CDH6: variants seen among roughly 807,000 people sequenced by gnomAD.
CDH6 encodes the protein cadherin-6.
Under a neutral mutation model 78.0 loss-of-function variants are expected in CDH6, and 31 were observed. That is an observed-to-expected ratio of 0.40 (90% CI 0.30 to 0.54). The LOEUF is 0.54. Ranked by LOEUF, CDH6 falls within the 20% of genes least tolerant of loss-of-function variation. CDH6 has a pLI of 0.56. For missense variants in CDH6, 724 were observed against 975.9 expected (o/e 0.74, Z 3.44); for synonymous variants, 376 against 368.8 (o/e 1.02, Z -0.23).
chr5:31,278,416 A>G (rs1742761269), intron 2 of CDH6, among the ~76,000 whole-genome samples: 1 of 152,222 alleles, frequency 6.6e-6, no homozygotes, highest in Non-Finnish European at 1.5e-5. Context: ...AAGAAAAGAT[A>G]TAACAAATAA....
intron 1 of CDH6, among the ~76,000 whole-genome samples, chr5:31,199,284 A>T (rs1740254766): frequency 6.6e-6 from 1 of 151,498 alleles, no homozygotes. Flanking sequence ...ATCTATACAC[A>T]CACATATATA....
Position 31,325,891 on chromosome 5 carries a change from G to A in CDH6, c.*2583G>A, listed in dbSNP as rs545433108. 20 of 231,888 alleles carry A rather than the reference G, an allele frequency of 8.6e-5. No individual in the cohort carries two copies. Among genetic ancestry groups the A allele is most frequent in the African/African-American group, 2.6e-4 (12 of 45,372 alleles). 14.4% of individuals were successfully genotyped at this position (231,888 alleles called of 1,614,324 possible). On this transcript the variant is annotated 3_prime_UTR_variant, in exon 12 of 12. Coordinates refer to ENST00000265071, the MANE Select transcript of CDH6 (RefSeq NM_004932.4). ...ACTGTAAGTATCAAGTTGGAGTGAC[G>A]TTTTCCTATAATTCAGACTCTTTGA...
intron 1 of CDH6, among the ~76,000 whole-genome samples, chr5:31,216,655 C>T (rs1239423771): frequency 7.0e-6 from 1 of 142,486 alleles, no homozygotes; most frequent in Non-Finnish European, 1.5e-5. Flanking sequence ...TCCACTGACT[C>T]CTGCTGTAAT....
chr5:31,217,972 T>C (rs60991609), intron 1 of CDH6, among the ~76,000 whole-genome samples: 2,394 of 152,282 alleles, frequency 0.016, 67 homozygotes, highest in African/African-American at 0.055. Context: ...TAAAATTCGA[T>C]ATTTAGTAGT....
At position 31,317,703 on chromosome 5, in the gene CDH6, A is replaced by G. The variant is rs1738363999; in HGVS notation, c.1661A>G (p.Asn554Ser). Residue 554 changes from asparagine (N) to serine (S), a missense_variant, in exon 11 of 12, where the codon AAT becomes AGT. Asn to Ser is a conservative substitution (Grantham distance 46). Around this residue, in one of 3 missense-constraint regions of CDH6, gnomAD observed 446 missense variants for 684.5 expected, o/e 0.65. Coordinates refer to ENST00000265071, the MANE Select transcript of CDH6 (RefSeq NM_004932.4). ...DNTAGILTRKNGYNRHEMSTY... is the reference protein window; with the variant it reads ...DNTAGILTRKSGYNRHEMSTY... ...ACGGCGGGAATCTTAACTCGGAAAA[A>G]TGGCTATAATAGACACGAGATGAGC... is the stretch of plus-strand genomic sequence containing the variant. 1 of 1,610,926 alleles carries G rather than the reference A, an allele frequency of 6.2e-7. No homozygotes were observed. Among genetic ancestry groups the G allele is most frequent in the African/African-American group, 1.3e-5 (1 of 74,968 alleles).
At position 31,323,206 on chromosome 5, in the gene CDH6, C is replaced by A. The variant is rs1363178594; in HGVS notation, c.2271C>A (p.Thr757=). 19 of 1,614,146 alleles carry A rather than the reference C, an allele frequency of 1.2e-5. No homozygotes were observed. The highest frequency in any genetic ancestry group is 3.3e-4 in the Middle Eastern group (2 of 6,062). The change falls in exon 12 of 12, where the codon ACC becomes ACA. Residue 757 remains threonine (T), a synonymous_variant. Transcript: ENST00000265071. ...CCCTGAGCTCGCTGGAGTCAGTGAC[C>A]ACGGATGCAGATCAAGACTATGATT... is the stretch of plus-strand genomic sequence containing the variant. ...ADSLSSLESV[T]TDADQDYDYL...
intron 1 of CDH6, among the ~76,000 whole-genome samples, chr5:31,234,853 C>A (rs1741408740): frequency 6.6e-6 from 1 of 152,106 alleles, no homozygotes; most frequent in Admixed American, 6.5e-5. Context: ...TAGGTTTGCA[C>A]ATATACATAC....
At chr5:31,223,668 C>T (rs1488215991) in intron 1 of CDH6, among the ~76,000 whole-genome samples, 1 of 152,036 alleles carries the variant, frequency 6.6e-6, no homozygotes, top group Admixed American at 6.5e-5. Flanking sequence ...GTATGTTGCA[C>T]TGGATTCCTT....
chr5:31,212,751 C>T (rs1740745713), intron 1 of CDH6, among the ~76,000 whole-genome samples: 1 of 150,826 alleles, frequency 6.6e-6, no homozygotes, highest in East Asian at 2.1e-4. Context: ...TCATGGTGTT[C>T]ACATGAACGT....
In CDH6 at chr5:31,328,757, C is replaced by T; in HGVS notation, c.*5449C>T. ...GAAGATTTACTGGCGGGAATGCTCA[C>T]TCTTGTCGTTTTCCTCAGTATCGTT... is the stretch of plus-strand genomic sequence containing the variant. On this transcript the variant is annotated 3_prime_UTR_variant, in exon 12 of 12. Coordinates refer to ENST00000265071, the MANE Select transcript of CDH6 (RefSeq NM_004932.4). 4.6e-6 allele frequency: 1 copy of T among 217,134 alleles called. No homozygotes were observed. The highest frequency in any genetic ancestry group is 9.3e-6 in the Non-Finnish European group (1 of 107,850). The allele number at this position is 217,134 out of a possible 1,614,324, so 13.5% of individuals were successfully genotyped here.
chr5:31,247,588 C>T (rs1364915512), intron 1 of CDH6, among the ~76,000 whole-genome samples: 1 of 152,168 alleles, frequency 6.6e-6, no homozygotes, highest in Non-Finnish European at 1.5e-5. Flanking sequence ...AGATAAAGTG[C>T]CAAAGTCATT....
chr5:31,282,927 G>T (rs1172786225), intron 2 of CDH6, among the ~76,000 whole-genome samples: 1 of 152,100 alleles, frequency 6.6e-6, no homozygotes, highest in Non-Finnish European at 1.5e-5. Flanking sequence ...TGCAAATACA[G>T]ATCCCTTATG....
At chr5:31,224,837 C>T (rs1741104949) in intron 1 of CDH6, among the ~76,000 whole-genome samples, 1 of 152,210 alleles carries the variant, frequency 6.6e-6, no homozygotes, top group Non-Finnish European at 1.5e-5. Context: ...AGTCACTGCA[C>T]CCAGCTCTCA....
At chr5:31,283,358 A>T (rs2149941618) in intron 2 of CDH6, among the ~76,000 whole-genome samples, 1 of 152,302 alleles carries the variant, frequency 6.6e-6, no homozygotes, top group East Asian at 1.9e-4. Flanking sequence ...ACAGGGAAAA[A>T]AATGTGTTGT....
intron 1 of CDH6, among the ~76,000 whole-genome samples, chr5:31,207,659 G>T (rs1740568700): frequency 6.6e-6 from 1 of 152,212 alleles, no homozygotes; most frequent in African/African-American, 2.4e-5. Flanking sequence ...TTGACAAATG[G>T]CAAGAACACA....
At chr5:31,302,036 G>T (rs1737779660) in intron 5 of CDH6, 75 bp from the exon 6 acceptor site, 4 of 959,924 alleles carry the variant, frequency 4.2e-6, no homozygotes, top group Non-Finnish European at 4.6e-6. Flanking sequence ...AACTGTTAGA[G>T]AATAGGTTTT....
intron 5 of CDH6, among the ~76,000 whole-genome samples, chr5:31,300,221 A>G (rs1211194249): frequency 6.6e-6 from 1 of 152,156 alleles, no homozygotes; most frequent in Admixed American, 6.5e-5. Flanking sequence ...ATGAATACCA[A>G]CTTGGTATCA....
At chr5:31,211,863 T>C (rs986921382) in intron 1 of CDH6, among the ~76,000 whole-genome samples, 1 of 152,230 alleles carries the variant, frequency 6.6e-6, no homozygotes, top group Non-Finnish European at 1.5e-5. Flanking sequence ...TTGGGTTTTG[T>C]GCTTTGTGGG....
chr5:31,213,540 A>T (rs941809276), intron 1 of CDH6, among the ~76,000 whole-genome samples: 1 of 152,136 alleles, frequency 6.6e-6, no homozygotes, highest in Non-Finnish European at 1.5e-5. Context: ...TCTGTGCGAT[A>T]AACTGCTGCT....
Sources: allele counts gnomAD v4.1 joint callset (sites outside exome capture counted in the v4.1 genomes callset), GRCh38; gene constraint gnomAD v4.1.1; regional missense constraint gnomAD v4.1.1; transcripts MANE v1.5; gene names NCBI Gene and HGNC (gene_info 2026-07-23, HGNC 2026-07-21).